SLC9A9: variants seen among roughly 807,000 people sequenced by gnomAD.
The protein encoded by SLC9A9 is solute carrier family 9 member A9, also known as sodium/hydrogen exchanger 9.
Under a neutral mutation model 77.8 loss-of-function variants are expected in SLC9A9, and 62 were observed. The ratio of observed to expected loss-of-function variants is 0.80; its 90% CI spans 0.65 to 0.98. The LOEUF (loss-of-function observed/expected upper bound fraction) is 0.98, where lower values mean the gene tolerates loss of function less well. Ranked by LOEUF, SLC9A9 falls within the 50% of genes least tolerant of loss-of-function variation. The pLI, the probability that SLC9A9 is intolerant of heterozygous loss-of-function variation, is 0.00. For missense variants in SLC9A9, 775 were observed against 774.9 expected, an observed-to-expected ratio of 1.00 and a Z score of 0.00; for synonymous variants, 320 against 283.5, an observed-to-expected ratio of 1.13 and a Z score of -1.29.
At chr3:143,318,298 A>G (rs1377435764) in intron 14 of SLC9A9, among the ~76,000 whole-genome samples, 3 of 152,256 alleles carry the variant, frequency 2.0e-5, no homozygotes, top group Non-Finnish European at 4.4e-5. Flanking sequence ...ACTGAGAACG[A>G]TATTAGGAAG....
Position 143,322,199 on chromosome 3 carries a change from G to T in SLC9A9, c.1604+41285C>A, listed in dbSNP as rs116070032. Among the ~76,000 whole-genome samples, 449 of 152,252 alleles carry T rather than the reference G, an allele frequency of 2.9e-3. 3 individuals are homozygous for T. Among genetic ancestry groups the T allele is most frequent in the East Asian group, 0.022 (116 of 5,196 alleles). On this transcript the variant is annotated intron_variant, in intron 14 of 15. Transcript: ENST00000316549. Reference sequence around the variant, plus strand: ...TATTTGGTCAAATATTTTTCCGGGCGTGTCTGTGAGGGTGTTTCTGGATGA... The same window carrying T: ...TATTTGGTCAAATATTTTTCCGGGCTTGTCTGTGAGGGTGTTTCTGGATGA...
intron 9 of SLC9A9, among the ~76,000 whole-genome samples, chr3:143,532,208 T>C (rs1300205599): frequency 6.6e-6 from 1 of 152,214 alleles, no homozygotes; most frequent in Non-Finnish European, 1.5e-5. Context: ...CAACTGGCTC[T>C]CTGGGGGGAC....
chr3:143,758,424 G>A (rs1266291095), intron 4 of SLC9A9, among the ~76,000 whole-genome samples: 1 of 152,036 alleles, frequency 6.6e-6, no homozygotes, highest in Non-Finnish European at 1.5e-5. Flanking sequence ...TTTTTGCATG[G>A]AGAGTTCTTG....
intron 8 of SLC9A9, among the ~76,000 whole-genome samples, chr3:143,565,227 C>T (rs1004776470): frequency 3.9e-5 from 6 of 152,096 alleles, no homozygotes; most frequent in African/African-American, 1.4e-4. Context: ...TTGTATTCTC[C>T]ATTTTGGTGA....
chr3:143,514,113 A>G (rs111487544), intron 9 of SLC9A9, among the ~76,000 whole-genome samples: 3,080 of 152,068 alleles, frequency 0.02, 100 homozygotes, highest in African/African-American at 0.069. Context: ...TTTTGTCCTT[A>G]CAATAGTTTG....
chr3:143,752,705 C>T (rs966108343), intron 4 of SLC9A9, among the ~76,000 whole-genome samples: 4 of 149,620 alleles, frequency 2.7e-5, no homozygotes, highest in African/African-American at 7.4e-5. Context: ...TTAAGTTATC[C>T]GTTAGATGCT....
At chr3:143,273,738 A>C (rs1283787299) in intron 14 of SLC9A9, among the ~76,000 whole-genome samples, 1 of 152,218 alleles carries the variant, frequency 6.6e-6, no homozygotes, top group Non-Finnish European at 1.5e-5. Context: ...CGTTTGTTAA[A>C]AATTCAGATT....
intron 12 of SLC9A9, among the ~76,000 whole-genome samples, chr3:143,436,633 T>TA (rs1183667121): frequency 6.6e-6 from 1 of 152,212 alleles, no homozygotes; most frequent in Non-Finnish European, 1.5e-5. Flanking sequence ...TTTGGTACAA[T>TA]ACAGCAAAAT....
chr3:143,490,630 G>A (rs1250453589), intron 11 of SLC9A9, among the ~76,000 whole-genome samples: 1 of 151,998 alleles, frequency 6.6e-6, no homozygotes. Flanking sequence ...TAATAACACT[G>A]AACTGTATTC....
At chr3:143,388,514 T>C (rs1205533346) in intron 12 of SLC9A9, among the ~76,000 whole-genome samples, 1 of 152,224 alleles carries the variant, frequency 6.6e-6, no homozygotes, top group Non-Finnish European at 1.5e-5. Context: ...GGGATAAGCA[T>C]ATATATATTT....
At chr3:143,700,831 T>G (rs1933776303) in intron 4 of SLC9A9, among the ~76,000 whole-genome samples, 1 of 152,228 alleles carries the variant, frequency 6.6e-6, no homozygotes, top group African/African-American at 2.4e-5. Context: ...AGGGAGTGGT[T>G]ACAGCAGGCC....
chr3:143,652,982 G>T (rs567467600), intron 5 of SLC9A9, among the ~76,000 whole-genome samples: 120 of 152,254 alleles, frequency 7.9e-4, no homozygotes, highest in Non-Finnish European at 1.4e-3. Flanking sequence ...CCCTGGAAAT[G>T]GGGTTCATCT....
intron 8 of SLC9A9, among the ~76,000 whole-genome samples, chr3:143,555,197 C>G (rs1306145562): frequency 6.6e-6 from 1 of 152,094 alleles, no homozygotes; most frequent in South Asian, 2.1e-4. Context: ...AAGGGGTTTC[C>G]CCTTTCACTT....
At chr3:143,394,242 A>T (rs2033643257) in intron 12 of SLC9A9, among the ~76,000 whole-genome samples, 1 of 152,226 alleles carries the variant, frequency 6.6e-6, no homozygotes, top group Non-Finnish European at 1.5e-5. Context: ...CACATCAAAA[A>T]GCTTATCCAC....
chr3:143,717,448 G>C (rs1442873509), intron 4 of SLC9A9, among the ~76,000 whole-genome samples: 1 of 152,194 alleles, frequency 6.6e-6, no homozygotes, highest in Non-Finnish European at 1.5e-5. Context: ...AGAATTCGTG[G>C]CTGACAATAA....
chr3:143,427,485 G>T (rs770450015), intron 12 of SLC9A9, among the ~76,000 whole-genome samples: 21 of 152,174 alleles, frequency 1.4e-4, no homozygotes, highest in Non-Finnish European at 2.6e-4. Flanking sequence ...CTTCTTACTT[G>T]TATCCTATCC....
At chr3:143,541,838 G>C (rs1239319950) in intron 9 of SLC9A9, among the ~76,000 whole-genome samples, 1 of 152,244 alleles carries the variant, frequency 6.6e-6, no homozygotes, top group South Asian at 2.1e-4. Flanking sequence ...GTGGGTGAGA[G>C]AGTAGGACAG....
intron 5 of SLC9A9, among the ~76,000 whole-genome samples, chr3:143,671,762 G>A (rs780302278): frequency 2.0e-5 from 3 of 152,194 alleles, no homozygotes; most frequent in Non-Finnish European, 2.9e-5. Context: ...GGTTTGAAAT[G>A]CAGATTGCAT....
intron 6 of SLC9A9, among the ~76,000 whole-genome samples, chr3:143,582,573 T>G (rs1036646500): frequency 2.6e-5 from 4 of 152,200 alleles, no homozygotes; most frequent in East Asian, 1.9e-4. Flanking sequence ...AACTAGTCAC[T>G]TTTGCATAAG....
Sources: allele counts gnomAD v4.1 joint callset (sites outside exome capture counted in the v4.1 genomes callset), GRCh38; gene constraint gnomAD v4.1.1; transcripts MANE v1.5; gene names NCBI Gene and HGNC (gene_info 2026-07-23, HGNC 2026-07-21).